Variants in VWC2L observed in about 807,000 individuals in gnomAD.
VWC2L encodes the protein von Willebrand factor C domain containing 2 like.
In VWC2L, 10 loss-of-function variants were observed where a neutral mutation model predicts 21.6. The observed-to-expected ratio is 0.46, with a 90% CI of 0.29 to 0.78. The LOEUF (loss-of-function observed/expected upper bound fraction) is 0.78, where lower values mean the gene tolerates loss of function less well. VWC2L is among the 30% of genes least tolerant of loss of function. The pLI is 0.10. For missense variants in VWC2L, 209 were observed against 277.1 expected, an observed-to-expected ratio of 0.75 and a Z score of 1.74; for synonymous variants, 96 against 94.3, an observed-to-expected ratio of 1.02 and a Z score of -0.10.
intron 3 of VWC2L, among the ~76,000 whole-genome samples, chr2:214,527,532 C>CT: frequency 6.6e-6 from 1 of 152,256 alleles, no homozygotes; most frequent in East Asian, 1.9e-4. Flanking sequence ...CCTACCTTAG[C>CT]TTTTTTCCAT....
intron 3 of VWC2L, among the ~76,000 whole-genome samples, chr2:214,481,499 G>A (rs1165426388): frequency 6.6e-6 from 1 of 152,086 alleles, no homozygotes; most frequent in African/African-American, 2.4e-5. Flanking sequence ...CCTTGTGAGT[G>A]AGCTCAAAAA....
intron 3 of VWC2L, among the ~76,000 whole-genome samples, chr2:214,461,016 A>T (rs1703132476): frequency 6.6e-6 from 1 of 152,156 alleles, no homozygotes; most frequent in Admixed American, 6.5e-5. Flanking sequence ...TGATTTCTTT[A>T]GCTATAAACA....
chr2:214,420,984 ATGAG>A (rs1249219131), intron 2 of VWC2L, among the ~76,000 whole-genome samples: 1 of 152,244 alleles, frequency 6.6e-6, no homozygotes, highest in Non-Finnish European at 1.5e-5. Flanking sequence ...AGCATGCAGA[ATGAG>A]TGGGTTCAAA....
At position 214,414,292 on chromosome 2, in the gene VWC2L, A is replaced by C. The variant is rs1702321630; in HGVS notation, c.99A>C (p.Glu33Asp). ...GTCATGAAGACTATCCTGCTGATGA[A>C]GGTGACCAGATCTCCAGTAATGACA... ...AISHEDYPADEGDQISSNDNL... is the reference protein window; with the variant it reads ...AISHEDYPADDGDQISSNDNL... Residue 33 changes from glutamate (E) to aspartate (D), a missense_variant, in exon 2 of 4, where the codon GAA becomes GAC. By Grantham distance (45) the Glu-to-Asp change is conservative (BLOSUM62 2). Transcript: ENST00000312504. The C allele has an allele frequency of 1.2e-6, 2 of 1,613,746 alleles. No individual in the cohort carries two copies. The highest frequency in any genetic ancestry group is 1.7e-6 in the Non-Finnish European group (2 of 1,179,830).
intron 1 of VWC2L, among the ~76,000 whole-genome samples, 168 bp downstream of exon 1, chr2:214,411,954 A>G (rs913076265): frequency 6.6e-6 from 1 of 151,994 alleles, no homozygotes; most frequent in Non-Finnish European, 1.5e-5. Flanking sequence ...TAAACATTAC[A>G]TTTGATTTAT....
chr2:214,480,338 G>C (rs1340274032), intron 3 of VWC2L, among the ~76,000 whole-genome samples: 1 of 152,174 alleles, frequency 6.6e-6, no homozygotes, highest in Non-Finnish European at 1.5e-5. Context: ...AGTTATGGTT[G>C]ACTAAAAGCA....
intron 3 of VWC2L, among the ~76,000 whole-genome samples, chr2:214,488,440 A>G (rs1158714345): frequency 2.0e-5 from 3 of 152,152 alleles, no homozygotes; most frequent in African/African-American, 7.2e-5. Flanking sequence ...TCTACAAAAA[A>G]ATACAAGAAT....
intron 3 of VWC2L, among the ~76,000 whole-genome samples, chr2:214,445,521 T>A (rs78320663): frequency 6.6e-6 from 1 of 151,670 alleles, no homozygotes; most frequent in Non-Finnish European, 1.5e-5. Context: ...TATGTATGTA[T>A]GTACATATAT....
chr2:214,550,414 T>C (rs1255393198), intron 3 of VWC2L, among the ~76,000 whole-genome samples: 1 of 152,238 alleles, frequency 6.6e-6, no homozygotes, highest in African/African-American at 2.4e-5. Context: ...ATTCATTCTT[T>C]TATTTCTAAT....
intron 3 of VWC2L, among the ~76,000 whole-genome samples, chr2:214,550,129 C>T (rs540640130): frequency 6.6e-6 from 1 of 152,260 alleles, no homozygotes; most frequent in South Asian, 2.1e-4. Context: ...TGCACAAATT[C>T]CCTTTATTGC....
At chr2:214,540,027 GA>G (rs1245117811) in intron 3 of VWC2L, among the ~76,000 whole-genome samples, 1 of 152,030 alleles carries the variant, frequency 6.6e-6, no homozygotes. Flanking sequence ...TCCTTCCCAA[GA>G]AAACCTAGTT....
intron 3 of VWC2L, among the ~76,000 whole-genome samples, chr2:214,548,495 T>C (rs1689744589): frequency 6.6e-6 from 1 of 152,156 alleles, no homozygotes; most frequent in African/African-American, 2.4e-5. Context: ...TGCCTACAAA[T>C]TGAAAGCTAA....
chr2:214,415,526 G>T (rs1702341735), intron 2 of VWC2L, among the ~76,000 whole-genome samples: 1 of 152,136 alleles, frequency 6.6e-6, no homozygotes, highest in Non-Finnish European at 1.5e-5. Flanking sequence ...CTAGTTTTCA[G>T]TGTGGGTGTT....
chr2:214,436,027 C>T (rs1393255384), intron 2 of VWC2L, among the ~76,000 whole-genome samples: 1 of 151,662 alleles, frequency 6.6e-6, no homozygotes, highest in Non-Finnish European at 1.5e-5. Context: ...TAAAAGCAAG[C>T]AGGCAAGATG....
At chr2:214,523,105 C>T (rs1244345302) in intron 3 of VWC2L, among the ~76,000 whole-genome samples, 1 of 152,124 alleles carries the variant, frequency 6.6e-6, no homozygotes, top group African/African-American at 2.4e-5. Context: ...GTAATAACTC[C>T]TCTTTGTTTC....
intron 2 of VWC2L, chr2:214,415,221 G>A (rs577896085): frequency 6.6e-6 from 1 of 151,996 alleles, no homozygotes; most frequent in Non-Finnish European, 1.5e-5. Context: ...CAGCCTACCT[G>A]GTATTTTTTA....
At chr2:214,567,937 A>T (rs1384412336) in intron 3 of VWC2L, among the ~76,000 whole-genome samples, 1 of 152,218 alleles carries the variant, frequency 6.6e-6, no homozygotes, top group Non-Finnish European at 1.5e-5. Context: ...TTATCAACTA[A>T]GTCTGGATTT....
chr2:214,567,575 CACACACACACACACACACACAG>C (rs1266960482), intron 3 of VWC2L, among the ~76,000 whole-genome samples: 1 of 127,786 alleles, frequency 7.8e-6, no homozygotes, highest in Non-Finnish European at 1.7e-5. Context: ...CACACACACA[CACACACACACACACACACACAG>C]AGAGAGAGAG....
At chr2:214,572,018 G>A (rs533579026) in intron 3 of VWC2L, among the ~76,000 whole-genome samples, 1 of 152,252 alleles carries the variant, frequency 6.6e-6, no homozygotes, top group South Asian at 2.1e-4. Flanking sequence ...CTGGGCTCAA[G>A]TGATCCTCCT....
Sources: gnomAD v4.1 joint callset for allele counts (sites outside exome capture counted in the v4.1 genomes callset) on GRCh38, gnomAD v4.1.1 for gene constraint, MANE v1.5 for transcripts, NCBI Gene and HGNC (gene_info 2026-07-23, HGNC 2026-07-21) for gene names.